WWOX: variants seen among roughly 807,000 people sequenced by gnomAD.
The protein encoded by WWOX is WW domain-containing oxidoreductase.
Under a neutral mutation model 46.2 loss-of-function variants are expected in WWOX, and 69 were observed. The ratio of observed to expected loss-of-function variants is 1.49; its 90% CI spans 1.23 to 1.82. WWOX has a LOEUF of 1.82. WWOX is among the 40% of genes most tolerant of loss of function. The pLI is 0.00. For synonymous variants in WWOX, 359 were observed against 202.6 expected (o/e 1.77, Z -6.56); for missense variants, 919 against 542.6 (o/e 1.69, Z -6.89).
intron 8 of WWOX, among the ~76,000 whole-genome samples, chr16:78,770,283 A>G (rs1262346347): frequency 6.6e-6 from 1 of 152,060 alleles, no homozygotes; most frequent in African/African-American, 2.4e-5. Context: ...TCCGGGAGCC[A>G]GCGGTTGCAG....
intron 8 of WWOX, among the ~76,000 whole-genome samples, chr16:78,455,901 A>C (rs758868565): frequency 6.6e-6 from 1 of 152,110 alleles, no homozygotes; most frequent in African/African-American, 2.4e-5. Flanking sequence ...CATTATTTTA[A>C]CTAGTATTTG....
At chr16:78,460,858 C>T (rs979613720) in intron 8 of WWOX, among the ~76,000 whole-genome samples, 1 of 152,242 alleles carries the variant, frequency 6.6e-6, no homozygotes, top group Non-Finnish European at 1.5e-5. Context: ...GAGGACACAT[C>T]ACTTGCACCT....
intron 8 of WWOX, among the ~76,000 whole-genome samples, chr16:78,633,481 T>C (rs1017938299): frequency 6.6e-6 from 1 of 152,080 alleles, no homozygotes; most frequent in African/African-American, 2.4e-5. Flanking sequence ...GAACCACGAG[T>C]TCAGAACTTT....
chr16:78,896,421 C>T (rs953535496), intron 8 of WWOX: 3 of 152,116 alleles, frequency 2.0e-5, no homozygotes, highest in Admixed American at 2.0e-4. Flanking sequence ...GTGTATTCTA[C>T]ATCCGTTAGC....
chr16:78,767,462 C>T (rs976939536), intron 8 of WWOX, among the ~76,000 whole-genome samples: 2 of 132,520 alleles, frequency 1.5e-5, no homozygotes, highest in Non-Finnish European at 3.2e-5. Flanking sequence ...AATAATGTTT[C>T]TGTGTGAGTG....
At chr16:78,226,482 T>TTCCCTCCC (rs56126537) in intron 5 of WWOX, among the ~76,000 whole-genome samples, 6,067 of 134,026 alleles carry the variant, frequency 0.045, 339 homozygotes, top group African/African-American at 0.12. Context: ...CTGTCCTGTC[T>TTCCCTCCC]TCCCTCCCTC....
chr16:78,496,482 A>G (rs2084922110), intron 8 of WWOX: 1 of 152,238 alleles, frequency 6.6e-6, no homozygotes, highest in Non-Finnish European at 1.5e-5. Flanking sequence ...CGGGGTTGGC[A>G]TTGCGTGGCT....
intron 8 of WWOX, among the ~76,000 whole-genome samples, chr16:78,838,416 A>T (rs2151165728): frequency 6.6e-6 from 1 of 152,346 alleles, no homozygotes; most frequent in South Asian, 2.1e-4. Context: ...GTTGAGACTT[A>T]CACGTATACA....
intron 8 of WWOX, among the ~76,000 whole-genome samples, chr16:78,854,348 A>C (rs904466073): frequency 6.6e-6 from 1 of 152,210 alleles, no homozygotes; most frequent in Non-Finnish European, 1.5e-5. Flanking sequence ...CAGCAAAATG[A>C]AACCTTTAAG....
intron 8 of WWOX, among the ~76,000 whole-genome samples, chr16:79,024,637 A>C (rs1006307767): frequency 3.3e-5 from 5 of 151,820 alleles, no homozygotes; most frequent in African/African-American, 1.2e-4. Context: ...GGGTTTCACC[A>C]TGTTAGCCAG....
At chr16:78,704,013 G>C (rs555077475) in intron 8 of WWOX, among the ~76,000 whole-genome samples, 1 of 152,190 alleles carries the variant, frequency 6.6e-6, no homozygotes, top group South Asian at 2.1e-4. Context: ...CATTCCTGTT[G>C]TGCAACCATC....
intron 8 of WWOX, among the ~76,000 whole-genome samples, chr16:78,603,015 C>G (rs1489322499): frequency 6.6e-6 from 1 of 152,222 alleles, no homozygotes; most frequent in Non-Finnish European, 1.5e-5. Flanking sequence ...TCCACCTTGC[C>G]AGTATCTAGC....
At chr16:78,778,542 G>A (rs951452742) in intron 8 of WWOX, among the ~76,000 whole-genome samples, 5 of 152,182 alleles carry the variant, frequency 3.3e-5, no homozygotes, top group African/African-American at 1.2e-4. Context: ...TTGGGTGAGT[G>A]TTCCAAGCTT....
chr16:79,173,751 A>C (rs746249979), intron 8 of WWOX, among the ~76,000 whole-genome samples: 21 of 152,344 alleles, frequency 1.4e-4, no homozygotes, highest in Non-Finnish European at 2.6e-4. Context: ...CTAGGTAGCC[A>C]CTAAAATAAA....
At chr16:79,151,724 G>T (rs1425168744) in intron 8 of WWOX, among the ~76,000 whole-genome samples, 1 of 152,170 alleles carries the variant, frequency 6.6e-6, no homozygotes, top group South Asian at 2.1e-4. Flanking sequence ...GCTAGTCTCC[G>T]AACGGCCTGC....
At chr16:78,278,647 T>C (rs2079622312) in intron 5 of WWOX, 5 of 1,610,498 alleles carry the variant, frequency 3.1e-6, no homozygotes, top group Non-Finnish European at 4.2e-6. Context: ...GAATAAAAAT[T>C]TTCCACTAGC....
At chr16:78,245,324 G>T (rs1015856971) in intron 5 of WWOX, among the ~76,000 whole-genome samples, 23 of 152,124 alleles carry the variant, frequency 1.5e-4, no homozygotes, top group African/African-American at 3.9e-4. Flanking sequence ...CTTTTCAGTC[G>T]TCATTTCCAT....
chr16:78,548,033 T>C (rs183042091), intron 8 of WWOX, among the ~76,000 whole-genome samples: 1 of 151,600 alleles, frequency 6.6e-6, no homozygotes, highest in Admixed American at 6.6e-5. Context: ...TGAATGCCTG[T>C]AATCTCAGGT....
At chr16:78,446,769 T>C (rs2083570197) in intron 8 of WWOX, among the ~76,000 whole-genome samples, 1 of 148,170 alleles carries the variant, frequency 6.7e-6, no homozygotes, top group South Asian at 2.2e-4. Flanking sequence ...CAAGCCATTC[T>C]CCAGTCTCAG....
Sources: allele counts gnomAD v4.1 joint callset (sites outside exome capture counted in the v4.1 genomes callset), GRCh38; gene constraint gnomAD v4.1.1; transcripts MANE v1.5; gene names NCBI Gene and HGNC (gene_info 2026-07-23, HGNC 2026-07-21).